The following MYADM variants were observed in gnomAD, a reference collection of about 807,000 sequenced individuals.
MYADM encodes the protein myeloid associated differentiation marker.
For missense variants in MYADM, 416 were observed against 443.4 expected (o/e 0.94, Z 0.56); for synonymous variants, 224 against 210.2 (o/e 1.07, Z -0.57).
chr19:53,874,108 C>T lies in MYADM; in HGVS notation c.579C>T (p.Asp193=), dbSNP rs373472423. The T allele has an allele frequency of 6.8e-4, 1,091 of 1,612,842 alleles. 15 individuals carry two copies. The South Asian group carries it at 0.011, about 17-fold the overall frequency. ...GCATCATCTTCGCGTTCATCAGCGA[C>T]CCCAACCTGTACCAGCACCAGCCGG... The part of the protein sequence containing the change: ...VACIIFAFIS[D]PNLYQHQPAL... The change falls in exon 3 of 3, where the codon GAC becomes GAT. Residue 193 remains aspartate (D), a synonymous_variant. Coordinates refer to ENST00000391770, the MANE Select transcript of MYADM (RefSeq NM_138373.5).
Position 53,876,399 on chromosome 19 carries a change from T to G in MYADM, c.*1901T>G, listed in dbSNP as rs1473716721. ...TCCCCCATTCCCGTATCCATCATGT[T>G]CTTTTTCTTTTAAATATCAATATAA... On this transcript the variant is annotated 3_prime_UTR_variant, in exon 3 of 3. Coordinates refer to ENST00000391770, the MANE Select transcript of MYADM (RefSeq NM_138373.5). The G allele has an allele frequency of 1.2e-5, 2 of 166,594 alleles. No individual in the cohort carries two copies. Among genetic ancestry groups the G allele is most frequent in the Non-Finnish European group, 2.9e-5 (2 of 68,100 alleles). The allele number at this position is 166,594 out of a possible 1,614,324, so 10.3% of individuals were successfully genotyped here. A position where few individuals can be genotyped will look rare whatever the true frequency, so the allele number is the denominator to read the frequency against.
In MYADM at chr19:53,874,472, G is replaced by C; in HGVS notation, c.943G>C (p.Ala315Pro). 1.9e-6 allele frequency: 3 copies of C among 1,610,256 alleles called. No homozygotes were observed. Among genetic ancestry groups the C allele is most frequent in the Non-Finnish European group, 2.5e-6 (3 of 1,178,074 alleles). ...LAYVADLVHS[A>P]HLVFVKV Reference sequence around the variant, plus strand: ...GTATGTGGCTGACCTGGTGCACTCTGCCCACCTGGTTTTTGTCAAGGTCTA... The same window carrying C: ...GTATGTGGCTGACCTGGTGCACTCTCCCCACCTGGTTTTTGTCAAGGTCTA... Residue 315 changes from alanine to proline, a missense_variant, in exon 3 of 3, where the codon GCC (alanine) becomes CCC (proline). Physicochemically the swap from Ala to Pro is conservative, Grantham distance 27. Transcript: ENST00000391770.
In MYADM at chr19:53,873,832, C is replaced by T. The variant is rs759860136; in HGVS notation, c.303C>T (p.Phe101=). Residue 101 remains phenylalanine, a synonymous_variant, in exon 3 of 3, where the codon TTC becomes TTT. Transcript: ENST00000391770. This position sits in a 1 kb window ranked among gnomAD's most constrained non-coding sequence, Gnocchi z 4.3. ...QARFPLSWRN[F]PITFACYAAL... is the part of the protein sequence containing the mutation. Reference sequence around the variant, plus strand: ...GCTTCCCCCTGTCTTGGCGCAACTTCCCCATCACCTTCGCCTGCTATGCGG... The same window carrying T: ...GCTTCCCCCTGTCTTGGCGCAACTTTCCCATCACCTTCGCCTGCTATGCGG... 4 of 1,613,730 alleles carry T rather than the reference C, an allele frequency of 2.5e-6. No individual in the cohort carries two copies. The highest frequency in any genetic ancestry group is 3.3e-5 in the Admixed American group (2 of 60,028).
At chr19:53,871,862 G>A (rs2122925288) in intron 2 of MYADM, among the ~76,000 whole-genome samples, 1 of 151,986 alleles carries the variant, frequency 6.6e-6, no homozygotes, top group Middle Eastern at 3.4e-3. Flanking sequence ...GCAGAAGGAG[G>A]ATGCTTTATT....
Position 53,874,564 on chromosome 19 carries a change from T to C in MYADM, c.*66T>C. 1 of 1,497,810 alleles carries C rather than the reference T, an allele frequency of 6.7e-7. No individual in the cohort carries two copies. Among genetic ancestry groups the C allele is most frequent in the Admixed American group, 2.3e-5 (1 of 42,772 alleles). 92.8% of individuals were successfully genotyped at this position (1,497,810 alleles called of 1,614,324 possible). On this transcript the variant is annotated 3_prime_UTR_variant, in exon 3 of 3. Coordinates refer to ENST00000391770, the MANE Select transcript of MYADM (RefSeq NM_138373.5). ...GTTCTTCTTGCCCGAGTTTTCTTTATGGAGTACTTCTTTCCTCCGCCTTTC... is the reference window on the plus strand; with the variant it reads ...GTTCTTCTTGCCCGAGTTTTCTTTACGGAGTACTTCTTTCCTCCGCCTTTC...
At chr19:53,869,931 T>TG (rs1440596727) in intron 2 of MYADM, 93 bp downstream of exon 2, 2 of 49,698 alleles carry the variant, frequency 4.0e-5, no homozygotes. Context: ...GCTGGGGGCC[T>TG]GGGCTCCTCG....
intron 2 of MYADM, among the ~76,000 whole-genome samples, chr19:53,871,062 C>T (rs1370774663): frequency 6.6e-6 from 1 of 152,176 alleles, no homozygotes; most frequent in Non-Finnish European, 1.5e-5. Flanking sequence ...GAAACCCCAT[C>T]TCTACTGAAA....
chr19:53,868,081 A>T lies in MYADM; in HGVS notation c.-88+138A>T, dbSNP rs2122889933. 1 of 153,652 alleles carries T rather than the reference A, an allele frequency of 6.5e-6. No individual in the cohort carries two copies. Among genetic ancestry groups the T allele is most frequent in the East Asian group, 1.9e-4 (1 of 5,210 alleles). 9.5% of individuals were successfully genotyped at this position (153,652 alleles called of 1,614,324 possible). On this transcript the variant is annotated intron_variant, in intron 1 of 2. Coordinates refer to ENST00000391770, the MANE Select transcript of MYADM (RefSeq NM_138373.5). The surrounding 1 kb of genome is among the most constrained non-coding windows in gnomAD (Gnocchi z 6.3). ...GGCCAGGATTCTTGGGGTTCTGCAGAGGAGAGGGCTGAGGACCTGGACTGT... is the reference window on the plus strand; with the variant it reads ...GGCCAGGATTCTTGGGGTTCTGCAGTGGAGAGGGCTGAGGACCTGGACTGT...
chr19:53,874,466 C>T lies in MYADM; in HGVS notation c.937C>T (p.His313Tyr), dbSNP rs1402144002. 1.2e-6 allele frequency: 2 copies of T among 1,611,584 alleles called. No individual in the cohort carries two copies. Among genetic ancestry groups the T allele is most frequent in the Admixed American group, 1.7e-5 (1 of 59,516 alleles). Residue 313 changes from histidine to tyrosine, a missense_variant, in exon 3 of 3, where the codon CAC (histidine) becomes TAC (tyrosine). Transcript: ENST00000391770. ...ACTGGCGTATGTGGCTGACCTGGTG[C>T]ACTCTGCCCACCTGGTTTTTGTCAA... is the stretch of plus-strand genomic sequence containing the variant. ...NLLAYVADLV[H>Y]SAHLVFVKV
At chr19:53,872,255 G>C (rs114244095) in intron 2 of MYADM, among the ~76,000 whole-genome samples, 3,074 of 152,140 alleles carry the variant, frequency 0.02, 102 homozygotes, top group African/African-American at 0.066. Context: ...GAGTGCAGGG[G>C]TTCTATCTTG....
chr19:53,876,176 T>C lies in MYADM; in HGVS notation c.*1678T>C, dbSNP rs1384668100. 1 of 166,860 alleles carries C rather than the reference T, an allele frequency of 6.0e-6. No individual in the cohort carries two copies. The highest frequency in any genetic ancestry group is 2.4e-5 in the African/African-American group (1 of 41,398). The allele number at this position is 166,860 out of a possible 1,614,324, so 10.3% of individuals were successfully genotyped here. A position where few individuals can be genotyped will look rare whatever the true frequency, so the allele number is the denominator to read the frequency against. On this transcript the variant is annotated 3_prime_UTR_variant, in exon 3 of 3. Transcript: ENST00000391770. ...CTAGAGGAATGGCTTTGCTTGAATGTGTAGTGCACACGCACGGGTGTTTCT... is the reference window on the plus strand; with the variant it reads ...CTAGAGGAATGGCTTTGCTTGAATGCGTAGTGCACACGCACGGGTGTTTCT...
rs901885756 is a variant in MYADM at position 53,876,011 on chromosome 19, C to T, written c.*1513C>T. Reference sequence around the variant, plus strand: ...TGCCCGCTTTCAAGGCAAGATCGACCTTTTCTGTTTTGTTTTGTTTTTCTT... The same window carrying T: ...TGCCCGCTTTCAAGGCAAGATCGACTTTTTCTGTTTTGTTTTGTTTTTCTT... On this transcript the variant is annotated 3_prime_UTR_variant, in exon 3 of 3. Coordinates refer to ENST00000391770, the MANE Select transcript of MYADM (RefSeq NM_138373.5). The T allele has an allele frequency of 6.0e-6, 1 of 166,546 alleles. No individual in the cohort carries two copies. Among genetic ancestry groups the T allele is most frequent in the Non-Finnish European group, 1.5e-5 (1 of 68,124 alleles). The allele number at this position is 166,546 out of a possible 1,614,324, so 10.3% of individuals were successfully genotyped here.
In MYADM at chr19:53,876,390, C is replaced by T. The variant is rs753666536; in HGVS notation, c.*1892C>T. 1.2e-5 allele frequency: 2 copies of T among 166,444 alleles called. No homozygotes were observed. Among genetic ancestry groups the T allele is most frequent in the Non-Finnish European group, 2.9e-5 (2 of 68,068 alleles). The allele number at this position is 166,444 out of a possible 1,614,324, so 10.3% of individuals were successfully genotyped here. On this transcript the variant is annotated 3_prime_UTR_variant, in exon 3 of 3. Transcript: ENST00000391770. ...GTTGTCCCTTCCCCCATTCCCGTAT[C>T]CATCATGTTCTTTTTCTTTTAAATA... is the stretch of plus-strand genomic sequence containing the variant.
intron 1 of MYADM, chr19:53,869,326 CG>C: frequency 6.6e-6 from 1 of 152,630 alleles, no homozygotes. Flanking sequence ...CCCGGAAATC[CG>C]GGAGAGGGCG....
intron 2 of MYADM, among the ~76,000 whole-genome samples, chr19:53,871,119 T>C (rs1387346667): frequency 6.6e-6 from 1 of 152,160 alleles, no homozygotes; most frequent in South Asian, 2.1e-4. Flanking sequence ...TAATCCCAGC[T>C]ACTCAGGAGG....
chr19:53,874,351 G>C lies in MYADM; in HGVS notation c.822G>C (p.Ser274=), dbSNP rs752905038. 9.9e-6 allele frequency: 16 copies of C among 1,613,942 alleles called. No individual in the cohort carries two copies. The highest frequency in any genetic ancestry group is 5.3e-5 in the African/African-American group (4 of 75,052). ...DEKYGGQPRR[S]RDVSCSRSHA... is the part of the protein sequence containing the mutation. ...AGTATGGCGGCCAGCCTCGGCGCTC[G>C]AGAGATGTAAGCTGCAGCCGCAGCC... Residue 274 remains serine, a synonymous_variant, in exon 3 of 3, where the codon TCG becomes TCC. Coordinates refer to ENST00000391770, the MANE Select transcript of MYADM (RefSeq NM_138373.5).
chr19:53,874,629 T>C lies in MYADM; in HGVS notation c.*131T>C, dbSNP rs1353768006. 2 of 1,076,374 alleles carry C rather than the reference T, an allele frequency of 1.9e-6. No individual in the cohort carries two copies. The highest frequency in any genetic ancestry group is 2.7e-5 in the East Asian group (1 of 37,654). The allele number at this position is 1,076,374 out of a possible 1,614,324, so 66.7% of individuals were successfully genotyped here. On this transcript the variant is annotated 3_prime_UTR_variant, in exon 3 of 3. Transcript: ENST00000391770. Reference sequence around the variant, plus strand: ...TCCTGTCTCCCCTCCCTCCCACCTTTTTCTTTCCTTCCCAATTCCTTGCAC... The same window carrying C: ...TCCTGTCTCCCCTCCCTCCCACCTTCTTCTTTCCTTCCCAATTCCTTGCAC...
intron 1 of MYADM, chr19:53,869,506 C>G (rs1367449302): frequency 1.3e-5 from 2 of 152,864 alleles, no homozygotes; most frequent in Non-Finnish European, 2.9e-5. Flanking sequence ...GCCGCCCGCA[C>G]CCCCGCCCCC....
rs1487517443 is a variant in MYADM at position 53,873,703 on chromosome 19, C to T, written c.174C>T (p.Gly58=). The T allele has an allele frequency of 4.3e-6, 7 of 1,614,034 alleles. No homozygotes were observed. The highest frequency in any genetic ancestry group is 2.2e-5 in the East Asian group (1 of 44,852). The change falls in exon 3 of 3, where the codon GGC becomes GGT. Residue 58 remains glycine (G), a synonymous_variant. Coordinates refer to ENST00000391770, the MANE Select transcript of MYADM (RefSeq NM_138373.5). The surrounding 1 kb of genome is among the most constrained non-coding windows in gnomAD (Gnocchi z 4.3). The part of the protein sequence containing the change: ...CVAFSLVASV[G]AWTGSMGNWS... ...CCTTCTCGCTGGTGGCTAGCGTGGG[C>T]GCCTGGACGGGGTCCATGGGCAACT...
Sources: gnomAD v4.1 joint callset for allele counts (sites outside exome capture counted in the v4.1 genomes callset) on GRCh38, gnomAD v4.1.1 for gene constraint, Gnocchi (gnomAD v3.1) non-coding constraint, MANE v1.5 for transcripts, NCBI Gene and HGNC (gene_info 2026-07-23, HGNC 2026-07-21) for gene names.